RSF1: variants seen among roughly 807,000 people sequenced by gnomAD.
RSF1 encodes remodeling and spacing factor 1.
A neutral mutation model predicts 145.2 loss-of-function variants in RSF1; 13 were observed. The observed-to-expected ratio is 0.09, with a 90% confidence interval of 0.06 to 0.14. The LOEUF (loss-of-function observed/expected upper bound fraction) is 0.14, where lower values mean the gene tolerates loss of function less well. Ranked by LOEUF, RSF1 falls within the 10% of genes least tolerant of loss-of-function variation. RSF1 has a pLI of 1.00. For synonymous variants in RSF1, 577 were observed against 592.6 expected (o/e 0.97, Z 0.38); for missense variants, 1,517 against 1,718.2 (o/e 0.88, Z 2.07).
At chr11:77,848,512 C>G in the RSF1 span, among the ~76,000 whole-genome samples, 2 of 152,082 alleles carry the variant, frequency 1.3e-5, no homozygotes, top group African/African-American at 4.8e-5. Flanking sequence ...CACCCACCAC[C>G]TCACTTGGCT....
At chr11:77,833,011 T>TA in the RSF1 span, among the ~76,000 whole-genome samples, 1 of 96,714 alleles carries the variant, frequency 1.0e-5, no homozygotes, top group African/African-American at 3.8e-5. Context: ...ATATATATAT[T>TA]TTTTTTTTTT....
chr11:77,773,837 A>G (rs1371177991), intron 1 of RSF1, among the ~76,000 whole-genome samples: 1 of 152,234 alleles, frequency 6.6e-6, no homozygotes, highest in Non-Finnish European at 1.5e-5. Flanking sequence ...AAAGGCAAGT[A>G]CACTGGCTAA....
intron 1 of RSF1, among the ~76,000 whole-genome samples, chr11:77,783,618 G>T (rs1484269133): frequency 6.6e-6 from 1 of 152,126 alleles, no homozygotes; most frequent in East Asian, 1.9e-4. Context: ...GAGGCGGGCG[G>T]ATTGCTTGAG....
At chr11:77,793,480 C>T (rs2135969163) in intron 1 of RSF1, among the ~76,000 whole-genome samples, 1 of 151,742 alleles carries the variant, frequency 6.6e-6, no homozygotes, top group South Asian at 2.1e-4. Flanking sequence ...AGAGATCTTC[C>T]CTCAAAAAAA....
chr11:77,830,795 G>C, the RSF1 span, among the ~76,000 whole-genome samples: 1 of 151,830 alleles, frequency 6.6e-6, no homozygotes, highest in East Asian at 1.9e-4. Flanking sequence ...CAAATGAAAA[G>C]ATACTCAACA....
the RSF1 span, chr11:77,850,788 AC>A: frequency 1.7e-4 from 2 of 11,662 alleles, no homozygotes; most frequent in African/African-American, 2.1e-3. Flanking sequence ...ACACACATAC[AC>A]ACACACACAC....
chr11:77,733,636 A>G (rs1961264061), intron 4 of RSF1, among the ~76,000 whole-genome samples: 1 of 146,380 alleles, frequency 6.8e-6, no homozygotes, highest in South Asian at 2.1e-4. Context: ...ATCACAGTTC[A>G]CTGCAGCCTC....
intron 1 of RSF1, among the ~76,000 whole-genome samples, chr11:77,797,708 C>T (rs1948586683): frequency 6.6e-6 from 1 of 151,638 alleles, no homozygotes; most frequent in Non-Finnish European, 1.5e-5. Context: ...AAGAAACTAT[C>T]ATCAGAGTGA....
chr11:77,841,420 G>A, the RSF1 span, among the ~76,000 whole-genome samples: 4 of 152,152 alleles, frequency 2.6e-5, no homozygotes, highest in South Asian at 2.1e-4. Context: ...TCTCCTTGGT[G>A]TGTATATAGC....
chr11:77,796,098 TTTTC>T (rs1425059891), intron 1 of RSF1, among the ~76,000 whole-genome samples: 6 of 152,140 alleles, frequency 3.9e-5, no homozygotes, highest in South Asian at 2.1e-4. Context: ...TTCTTCTCTC[TTTTC>T]TTTTTTATTA....
chr11:77,687,377 G>A (rs1483828246), intron 9 of RSF1, among the ~76,000 whole-genome samples: 1 of 152,138 alleles, frequency 6.6e-6, no homozygotes, highest in Admixed American at 6.5e-5. Flanking sequence ...CATAATTACA[G>A]ATGTCCTCTT....
the RSF1 span, among the ~76,000 whole-genome samples, chr11:77,854,670 C>T: frequency 8.5e-5 from 13 of 152,158 alleles, no homozygotes; most frequent in South Asian, 2.1e-4. Context: ...TGGCTGCTTT[C>T]GTGGGCTGGC....
intron 4 of RSF1, among the ~76,000 whole-genome samples, chr11:77,728,596 G>A (rs1400844767): frequency 3.3e-5 from 5 of 151,450 alleles, no homozygotes; most frequent in African/African-American, 9.7e-5. Flanking sequence ...AGGAAAAAGG[G>A]AAGGGAAGGG....
At chr11:77,809,326 A>G (rs1272940250) in intron 1 of RSF1, among the ~76,000 whole-genome samples, 1 of 152,222 alleles carries the variant, frequency 6.6e-6, no homozygotes, top group African/African-American at 2.4e-5. Flanking sequence ...CATTTAACCT[A>G]TAAAATTATG....
In RSF1 at chr11:77,676,904, G is replaced by A; in HGVS notation, c.3229C>T (p.Pro1077Ser). Residue 1077 changes from proline to serine, a missense_variant, in exon 13 of 16, where the codon CCC becomes TCC. Around this residue, in one of 12 missense-constraint regions of RSF1, gnomAD observed 231 missense variants for 276.6 expected, o/e 0.84. Coordinates refer to ENST00000308488, the MANE Select transcript of RSF1 (RefSeq NM_016578.4). ...CTTCGAGCAGCAGCTGCCCTCTGGG[G>A]TCGTTTATTTTCTTTTCTTTCTTCA... Reference protein sequence around the residue: ...LDEERKENKRPQRAAAARRKK... With the variant: ...LDEERKENKRSQRAAAARRKK... The A allele has an allele frequency of 1.2e-6, 2 of 1,614,090 alleles. No homozygotes were observed. Among genetic ancestry groups the A allele is most frequent in the Non-Finnish European group, 1.7e-6 (2 of 1,179,990 alleles).
rs185656111 is a variant in RSF1, at chr11:77,731,358, T to A, written c.579-5659A>T. On this transcript the variant is annotated intron_variant, in intron 4 of 15. Transcript: ENST00000308488. ...ATTCAAGAGGTGACCTGAGTGCTGT[T>A]AAAGTCATTCAGTTTTATAAGGGAA... Among the ~76,000 whole-genome samples, 296 of 152,340 alleles carry A rather than the reference T, an allele frequency of 1.9e-3. 1 individual carries two copies. Among genetic ancestry groups the A allele is most frequent in the Admixed American group, 3.8e-3 (58 of 15,296 alleles).
the RSF1 span, among the ~76,000 whole-genome samples, chr11:77,855,835 C>A: frequency 6.6e-6 from 1 of 150,634 alleles, no homozygotes; most frequent in Admixed American, 6.6e-5. Flanking sequence ...TGCAGTGGCT[C>A]ATCCCTGTAA....
chr11:77,674,234 G>C (rs1322695349), intron 14 of RSF1, among the ~76,000 whole-genome samples: 2 of 152,192 alleles, frequency 1.3e-5, no homozygotes, highest in African/African-American at 4.8e-5. Context: ...AGGATGGCCA[G>C]AGTCTGATAC....
At chr11:77,822,638 TACTC>T (rs1165857609), upstream of RSF1, among the ~76,000 whole-genome samples, 2 of 152,130 alleles carry the variant, frequency 1.3e-5, no homozygotes, top group Non-Finnish European at 2.9e-5. Flanking sequence ...AAAGAAAGAA[TACTC>T]AATTTATCAA....
Sources: gnomAD v4.1 joint callset for allele counts (sites outside exome capture counted in the v4.1 genomes callset) on GRCh38, gnomAD v4.1.1 for gene constraint, gnomAD v4.1.1 regional missense constraint, MANE v1.5 for transcripts, NCBI Gene and HGNC (gene_info 2026-07-23, HGNC 2026-07-21) for gene names.